C3orf49: variants seen among roughly 807,000 people sequenced by gnomAD.
C3orf49 encodes putative uncharacterized protein C3orf49.
A neutral mutation model predicts 13.3 loss-of-function variants in C3orf49; 27 were observed. That is an observed-to-expected ratio of 2.02 (90% CI 1.49 to 2.79). The LOEUF (loss-of-function observed/expected upper bound fraction) is 2.79, where lower values mean the gene tolerates loss of function less well. Among genes scored for constraint, C3orf49 ranks in the 30% most tolerant of loss-of-function variants. The pLI is 0.00. For missense variants in C3orf49, 242 were observed against 134.2 expected (o/e 1.80, Z -3.97); for synonymous variants, 87 against 47.6 (o/e 1.83, Z -3.40).
At chr3:63,813,648 C>T in the C3orf49 span, among the ~76,000 whole-genome samples, 11 of 152,340 alleles carry the variant, frequency 7.2e-5, no homozygotes, top group South Asian at 6.2e-4. Flanking sequence ...GGGGAGTTCA[C>T]CCCTTGGTAA....
chr3:63,806,269 C>A, the C3orf49 span, among the ~76,000 whole-genome samples: 5 of 152,208 alleles, frequency 3.3e-5, no homozygotes, highest in Non-Finnish European at 5.9e-5. Flanking sequence ...GGCGCTAACA[C>A]GCTTGTTAAC....
intron 2 of C3orf49, among the ~76,000 whole-genome samples, chr3:63,825,336 A>G (rs560675332): frequency 1.1e-4 from 17 of 152,252 alleles, no homozygotes; most frequent in African/African-American, 3.6e-4. Context: ...AAAAACCCTG[A>G]TGGTTTCCAG....
At chr3:63,794,615 T>C in the C3orf49 span, among the ~76,000 whole-genome samples, 2 of 152,174 alleles carry the variant, frequency 1.3e-5, no homozygotes, top group African/African-American at 4.8e-5. Context: ...CTTCACCAAA[T>C]GAACCCACTT....
At chr3:63,788,858 G>C in the C3orf49 span, among the ~76,000 whole-genome samples, 1 of 152,130 alleles carries the variant, frequency 6.6e-6, no homozygotes, top group Non-Finnish European at 1.5e-5. Flanking sequence ...CTCTTCTGCT[G>C]ATATACTATG....
chr3:63,846,567 C>T (rs1701902092), intron 6 of C3orf49, among the ~76,000 whole-genome samples: 1 of 152,096 alleles, frequency 6.6e-6, no homozygotes, highest in Non-Finnish European at 1.5e-5. Flanking sequence ...ACCACCACGC[C>T]AGGCTAATTT....
Position 63,827,685 on chromosome 3 carries a change from A to G in C3orf49, c.530A>G (p.Lys177Arg). ...NTLLRARRTT[K>R]RLSVTSLPSG... ...CTCCTTCGGGCCAGGAGAACCACCA[A>G]GCGGTTATCTGTGACATCTCTTCCT... is the stretch of plus-strand genomic sequence containing the variant. The change falls in exon 3 of 7, where the codon AAG becomes AGG. Residue 177 changes from lysine to arginine, a missense_variant. By Grantham distance (26) the Lys-to-Arg change is conservative. Coordinates refer to ENST00000295896, the MANE Select transcript of C3orf49 (RefSeq NM_001355236.2). 1 of 703,126 alleles carries G rather than the reference A, an allele frequency of 1.4e-6. No individual in the cohort carries two copies. The highest frequency in any genetic ancestry group is 2.6e-6 in the Non-Finnish European group (1 of 385,032). 43.6% of individuals were successfully genotyped at this position (703,126 alleles called of 1,614,324 possible).
chr3:63,793,545 C>A, the C3orf49 span, among the ~76,000 whole-genome samples: 2 of 152,028 alleles, frequency 1.3e-5, no homozygotes, highest in African/African-American at 4.8e-5. Context: ...ACAACCCCCT[C>A]CCTCTCCTCA....
At chr3:63,798,447 T>G in the C3orf49 span, among the ~76,000 whole-genome samples, 2 of 152,160 alleles carry the variant, frequency 1.3e-5, no homozygotes, top group East Asian at 3.8e-4. Context: ...TAGCAATATA[T>G]TAGGTAATAC....
the C3orf49 span, among the ~76,000 whole-genome samples, chr3:63,787,861 G>C: frequency 6.6e-6 from 1 of 152,182 alleles, no homozygotes; most frequent in African/African-American, 2.4e-5. Context: ...CAGATTACTG[G>C]GGAGAATGTG....
At chr3:63,800,240 A>G in the C3orf49 span, among the ~76,000 whole-genome samples, 1 of 152,240 alleles carries the variant, frequency 6.6e-6, no homozygotes, top group Non-Finnish European at 1.5e-5. Flanking sequence ...ATTACCTCCA[A>G]AACGGTATCC....
chr3:63,797,456 C>T, the C3orf49 span, among the ~76,000 whole-genome samples: 1 of 152,116 alleles, frequency 6.6e-6, no homozygotes, highest in South Asian at 2.1e-4. Context: ...TTTCTTGGAT[C>T]TTTGCTGTGA....
chr3:63,809,050 C>G, the C3orf49 span, among the ~76,000 whole-genome samples: 1 of 152,166 alleles, frequency 6.6e-6, no homozygotes, highest in East Asian at 1.9e-4. Flanking sequence ...CTGCAAGCCT[C>G]TCTCCAATCA....
chr3:63,792,875 T>C, the C3orf49 span, among the ~76,000 whole-genome samples: 3 of 152,360 alleles, frequency 2.0e-5, no homozygotes, highest in South Asian at 6.2e-4. Flanking sequence ...AAGATTTGTG[T>C]GCGTCGGCAC....
At chr3:63,815,469 G>T (rs1040087616), upstream of C3orf49, among the ~76,000 whole-genome samples, 1 of 152,058 alleles carries the variant, frequency 6.6e-6, no homozygotes, top group African/African-American at 2.4e-5. Context: ...TTTTAAAAAC[G>T]TATGCATAAC....
At chr3:63,811,957 C>A in the C3orf49 span, among the ~76,000 whole-genome samples, 1 of 151,638 alleles carries the variant, frequency 6.6e-6, no homozygotes, top group Non-Finnish European at 1.5e-5. Context: ...TAGTTGAACT[C>A]TGTTCATGGA....
upstream of C3orf49, among the ~76,000 whole-genome samples, chr3:63,815,285 C>G (rs1010221147): frequency 1.3e-5 from 2 of 152,114 alleles, no homozygotes; most frequent in African/African-American, 4.8e-5. Flanking sequence ...AACTGTATCT[C>G]CCCCATATCC....
intron 5 of C3orf49, among the ~76,000 whole-genome samples, chr3:63,844,270 T>C (rs1701838517): frequency 6.6e-6 from 1 of 152,196 alleles, no homozygotes. Context: ...GAGCAATAAA[T>C]TTCAAGAGAC....
At chr3:63,810,496 T>A in the C3orf49 span, among the ~76,000 whole-genome samples, 1 of 152,198 alleles carries the variant, frequency 6.6e-6, no homozygotes, top group Admixed American at 6.5e-5. Context: ...CTGAAGTATA[T>A]CAAGCCTATT....
chr3:63,803,148 G>A, the C3orf49 span, among the ~76,000 whole-genome samples: 16 of 152,304 alleles, frequency 1.1e-4, no homozygotes, highest in South Asian at 2.5e-3. Context: ...AAATTAAGCT[G>A]TAAGCAAATC....
Sources: gnomAD v4.1 joint callset for allele counts (sites outside exome capture counted in the v4.1 genomes callset) on GRCh38, gnomAD v4.1.1 for gene constraint, MANE v1.5 for transcripts, NCBI Gene and HGNC (gene_info 2026-07-23, HGNC 2026-07-21) for gene names.